ZNF44: variants seen among roughly 807,000 people sequenced by gnomAD.
The protein encoded by ZNF44 is gonadotropin inducible transcription repressor-2.
Under a neutral mutation model 11.7 loss-of-function variants are expected in ZNF44, and 9 were observed. The ratio of observed to expected loss-of-function variants is 0.77; its 90% CI spans 0.46 to 1.35. The LOEUF (loss-of-function observed/expected upper bound fraction) is 1.35, where lower values mean the gene tolerates loss of function less well. Among genes scored for constraint, ZNF44 ranks in the 40% most tolerant of loss-of-function variants. The pLI, the probability that ZNF44 is intolerant of heterozygous loss-of-function variation, is 0.00. For missense variants in ZNF44, 696 were observed against 743.1 expected (o/e 0.94, Z 0.74); for synonymous variants, 224 against 242.7 (o/e 0.92, Z 0.72).
chr19:12,265,068 T>G (rs1433769989), intron 5 of ZNF44, among the ~76,000 whole-genome samples: 2 of 151,986 alleles, frequency 1.3e-5, no homozygotes, highest in African/African-American at 4.8e-5. Flanking sequence ...GGAATTCCTC[T>G]TGAAATCAAC....
At chr19:12,249,908 A>G in intron 7 of ZNF44, 1 of 1,062,030 alleles carries the variant, frequency 9.4e-7, no homozygotes, top group South Asian at 1.5e-5. Flanking sequence ...TGTTTCTTTA[A>G]TTATCAAATT....
At chr19:12,275,855 G>A in intron 2 of ZNF44, 101 bp downstream of exon 2, 1 of 1,397,474 alleles carries the variant, frequency 7.2e-7, no homozygotes. Context: ...GTTCAGGAAT[G>A]AACTGTATCC....
chr19:12,255,772 G>C (rs557619643), intron 5 of ZNF44, among the ~76,000 whole-genome samples: 1 of 152,100 alleles, frequency 6.6e-6, no homozygotes, highest in African/African-American at 2.4e-5. Flanking sequence ...GGGCACGGTG[G>C]CTCATTCCTG....
chr19:12,250,636 G>A (rs766500204), intron 5 of ZNF44: 1 of 390,102 alleles, frequency 2.6e-6, no homozygotes, highest in Non-Finnish European at 5.1e-6. Flanking sequence ...GAGAAATGCT[G>A]TACAAAAAAA....
At position 12,273,229 on chromosome 19, in the gene ZNF44, A is replaced by C; in HGVS notation, c.1026T>G (p.Cys342Trp). The change falls in exon 4 of 4, where the codon TGT (cysteine) becomes TGG (tryptophan). Residue 342 changes from cysteine to tryptophan, a missense_variant. Coordinates refer to ENST00000355684, the MANE Select transcript of ZNF44 (RefSeq NM_016264.4). Reference protein sequence around the residue: ...SGDGPHKCKICGKGFDFPGSA... With the variant: ...SGDGPHKCKIWGKGFDFPGSA... ...AACCAGGAAAATCAAAGCCTTTCCC[A>C]CATATCTTACATTTATGAGGTCCAT... 1 of 1,614,052 alleles carries C rather than the reference A, an allele frequency of 6.2e-7. No individual in the cohort carries two copies. The highest frequency in any genetic ancestry group is 8.5e-7 in the Non-Finnish European group (1 of 1,179,988).
At chr19:12,283,519 C>CG (rs1967578670) in intron 1 of ZNF44, among the ~76,000 whole-genome samples, 1 of 151,870 alleles carries the variant, frequency 6.6e-6, no homozygotes, top group South Asian at 2.1e-4. Context: ...TTAGTAGAGA[C>CG]GGGGTTTCAC....
At chr19:12,294,116 T>C (rs1418233453) in intron 1 of ZNF44, among the ~76,000 whole-genome samples, 1 of 152,090 alleles carries the variant, frequency 6.6e-6, no homozygotes, top group Non-Finnish European at 1.5e-5. Context: ...TCTCAGATCT[T>C]GAATTCCAGC....
At chr19:12,245,471 G>T (rs1278839279), downstream of ZNF44, among the ~76,000 whole-genome samples, 2 of 152,166 alleles carry the variant, frequency 1.3e-5, no homozygotes, top group African/African-American at 2.4e-5. Flanking sequence ...AAATTCTCAC[G>T]ATCTGCCTGA....
chr19:12,253,187 CT>C (rs763591024), intron 5 of ZNF44, among the ~76,000 whole-genome samples: 1,220 of 110,242 alleles, frequency 0.011, 6 homozygotes, highest in African/African-American at 0.032. Context: ...CTGCACCTGG[CT>C]TTTTTTTTTT....
In ZNF44 at chr19:12,272,186, A is replaced by G; in HGVS notation, c.*221T>C. 1.7e-6 allele frequency: 1 copy of G among 585,236 alleles called. No homozygotes were observed. The highest frequency in any genetic ancestry group is 2.5e-6 in the Non-Finnish European group (1 of 407,622). 36.3% of individuals were successfully genotyped at this position (585,236 alleles called of 1,614,324 possible). A position where few individuals can be genotyped will look rare whatever the true frequency, so the allele number is the denominator to read the frequency against. ...TATTTTTTTTTTTTTCCGTATTTTT[A>G]GTAGAGACAGGGTTTCCCATGTTAG... On this transcript the variant is annotated 3_prime_UTR_variant, in exon 4 of 4. Coordinates refer to ENST00000355684, the MANE Select transcript of ZNF44 (RefSeq NM_016264.4).
chr19:12,227,005 G>A (rs1915948770), intron 3 of ZNF44, among the ~76,000 whole-genome samples: 1 of 152,172 alleles, frequency 6.6e-6, no homozygotes, highest in African/African-American at 2.4e-5. Flanking sequence ...GGAGGCTGCA[G>A]TGAGCCGAGA....
intron 3 of ZNF44, among the ~76,000 whole-genome samples, chr19:12,227,892 A>G (rs1174222142): frequency 6.6e-6 from 1 of 152,228 alleles, no homozygotes; most frequent in Non-Finnish European, 1.5e-5. Context: ...GTAGTGTGCT[A>G]TGAATATTAA....
chr19:12,294,313 C>A (rs1968146383), intron 1 of ZNF44, among the ~76,000 whole-genome samples: 1 of 152,224 alleles, frequency 6.6e-6, no homozygotes, highest in Non-Finnish European at 1.5e-5. Context: ...GGAGGCGGAT[C>A]TAGGGTGTCC....
chr19:12,250,680 A>G (rs1916954917), intron 5 of ZNF44: 1 of 424,000 alleles, frequency 2.4e-6, no homozygotes, highest in Non-Finnish European at 4.7e-6. Flanking sequence ...TTTGTGAGAA[A>G]AACTCATCTT....
chr19:12,246,658 T>A (rs1460825312), downstream of ZNF44, among the ~76,000 whole-genome samples: 4 of 152,172 alleles, frequency 2.6e-5, no homozygotes, highest in Non-Finnish European at 1.5e-5. Context: ...TAAAGAGTAT[T>A]TACAGAATAA....
chr19:12,227,880 T>C (rs1599478133), intron 3 of ZNF44, among the ~76,000 whole-genome samples: 2 of 152,220 alleles, frequency 1.3e-5, no homozygotes, highest in Admixed American at 1.3e-4. Flanking sequence ...TTTACCATTA[T>C]AGTAGTGTGC....
chr19:12,266,454 GC>G, intron 5 of ZNF44: 6 of 476,734 alleles, frequency 1.3e-5, no homozygotes, highest in Non-Finnish European at 1.6e-5. Flanking sequence ...TTAGCGCGTC[GC>G]CCCGCCTGCT....
chr19:12,289,656 T>C (rs1201452262), intron 1 of ZNF44, among the ~76,000 whole-genome samples: 1 of 150,408 alleles, frequency 6.6e-6, no homozygotes, highest in African/African-American at 2.5e-5. Context: ...TTTTTTTTTT[T>C]TTTTTTGAGA....
intron 3 of ZNF44, among the ~76,000 whole-genome samples, chr19:12,227,599 T>G (rs777472469): frequency 6.6e-6 from 1 of 152,132 alleles, no homozygotes; most frequent in African/African-American, 2.4e-5. Flanking sequence ...AAAGTGAAAA[T>G]CCGTCTCAGA....
Sources: allele counts gnomAD v4.1 joint callset (sites outside exome capture counted in the v4.1 genomes callset), GRCh38; gene constraint gnomAD v4.1.1; transcripts MANE v1.5; gene names NCBI Gene and HGNC (gene_info 2026-07-23, HGNC 2026-07-21).